The following ETHE1 variants were observed in gnomAD, a reference collection of about 807,000 sequenced individuals.
ETHE1 encodes persulfide dioxygenase ETHE1, mitochondrial.
In ETHE1, 16 loss-of-function variants were observed where a neutral mutation model predicts 25.7. The observed-to-expected ratio is 0.62, with a 90% CI of 0.42 to 0.95. ETHE1 has a LOEUF of 0.95. ETHE1 is among the 40% of genes least tolerant of loss of function. The pLI is 0.00. For missense variants in ETHE1, 300 were observed against 333.6 expected (o/e 0.90, Z 0.79); for synonymous variants, 139 against 135.9 (o/e 1.02, Z -0.16).
intron 3 of ETHE1, among the ~76,000 whole-genome samples, chr19:43,523,903 T>A (rs910443461): frequency 4.6e-5 from 7 of 151,966 alleles, no homozygotes; most frequent in African/African-American, 1.7e-4. Flanking sequence ...GCCATTGCAC[T>A]CCAGCCTGGG....
intron 3 of ETHE1, among the ~76,000 whole-genome samples, chr19:43,514,017 C>G (rs117259404): frequency 2.0e-5 from 3 of 152,002 alleles, no homozygotes; most frequent in African/African-American, 2.4e-5. Context: ...CCACCATGCC[C>G]GGCCTCAGAT....
intron 3 of ETHE1, among the ~76,000 whole-genome samples, chr19:43,523,270 G>A (rs535646096): frequency 2.1e-4 from 32 of 152,132 alleles, no homozygotes; most frequent in African/African-American, 7.0e-4. Context: ...ACTCGGTTTT[G>A]TTTGTTTGTT....
chr19:43,527,097 C>A lies in ETHE1; in HGVS notation c.81G>T (p.Gln27His). ...GGSGAPILLR[Q>H]MFEPVSCTFT... The stretch of plus-strand genomic sequence containing the variant: ...CCCTCCTAGGTCCAGCCACCCGCAC[C>A]TGCCGCAGGAGGATGGGGGCTCCAG... The change falls in exon 1 of 7, where the codon CAG becomes CAT. Residue 27 changes from glutamine (Q) to histidine (H), a missense_variant and splice_region_variant. Transcript: ENST00000292147. 6.4e-7 allele frequency: 1 copy of A among 1,554,936 alleles called. No homozygotes were observed. The highest frequency in any genetic ancestry group is 1.2e-5 in the South Asian group (1 of 85,244).
intron 4 of ETHE1, among the ~76,000 whole-genome samples, chr19:43,509,619 C>T (rs1052691544): frequency 6.6e-6 from 1 of 151,746 alleles, no homozygotes; most frequent in African/African-American, 2.4e-5. Context: ...CATGGTAAAA[C>T]CCTGTCTCTA....
Position 43,508,813 on chromosome 19 carries a change from G to A in ETHE1, c.557C>T (p.Pro186Leu). The A allele has an allele frequency of 6.2e-7, 1 of 1,608,888 alleles. No individual in the cohort carries two copies. Among genetic ancestry groups the A allele is most frequent in the Non-Finnish European group, 8.5e-7 (1 of 1,178,000 alleles). Residue 186 changes from proline (P) to leucine (L), a missense_variant, in exon 5 of 7, where the codon CCA (proline) becomes CTA (leucine). By Grantham distance (98) the Pro-to-Leu change is moderately conservative. Coordinates refer to ENST00000292147, the MANE Select transcript of ETHE1 (RefSeq NM_014297.5). The stretch of plus-strand genomic sequence containing the variant: ...AGCAGGGTAGATCAGACAGTCTCCT[G>A]GAAGTGTGAAGATCTTTTCATGGAC... ...HSVHEKIFTL[P>L]GDCLIYPAHD...
chr19:43,506,879 G>T lies in ETHE1; in HGVS notation c.736C>A (p.Arg246Ser). The T allele has an allele frequency of 6.2e-7, 1 of 1,613,730 alleles. No individual in the cohort carries two copies. Among genetic ancestry groups the T allele is most frequent in the Non-Finnish European group, 8.5e-7 (1 of 1,179,886 alleles). The part of the protein sequence containing the change: ...QIDFAVPANM[R>S]CGVQTPTA ...GCAGTGGGTGTCTGCACCCCACAGCGCATGTTGGCTGGAACAGCAAAGTCT... is the reference window on the plus strand; with the variant it reads ...GCAGTGGGTGTCTGCACCCCACAGCTCATGTTGGCTGGAACAGCAAAGTCT... The change falls in exon 7 of 7, where the codon CGC (arginine) becomes AGC (serine). Residue 246 changes from arginine to serine, a missense_variant. Physicochemically the swap from Arg to Ser is moderately radical, Grantham distance 110 (BLOSUM62 -1). Transcript: ENST00000292147.
chr19:43,514,485 CTTTTTTTTTTT>C (rs767043458), intron 3 of ETHE1, among the ~76,000 whole-genome samples: 2 of 113,230 alleles, frequency 1.8e-5, no homozygotes, highest in East Asian at 5.3e-4. Flanking sequence ...TTGGGTATGT[CTTTTTTTTTTT>C]TTTTTTTTTG....
At chr19:43,509,791 G>A (rs73043644) in intron 4 of ETHE1, among the ~76,000 whole-genome samples, 29,829 of 151,918 alleles carry the variant, frequency 0.2, 3,128 homozygotes, top group East Asian at 0.43. Context: ...GCGAGACTCC[G>A]TCTCAAAAAA....
intron 3 of ETHE1, among the ~76,000 whole-genome samples, chr19:43,514,771 A>C (rs1006465277): frequency 6.6e-6 from 1 of 152,164 alleles, no homozygotes; most frequent in African/African-American, 2.4e-5. Flanking sequence ...GGCGTGAGCC[A>C]CCACACCCAG....
chr19:43,511,631 A>T, intron 3 of ETHE1, 65 bp from the exon 4 acceptor site: 2 of 1,584,860 alleles, frequency 1.3e-6, no homozygotes, highest in African/African-American at 2.7e-5. Context: ...CTGGCCCCCA[A>T]AGCCCCACCC....
chr19:43,508,346 C>T (rs902386768), intron 5 of ETHE1, among the ~76,000 whole-genome samples: 23 of 124,704 alleles, frequency 1.8e-4, no homozygotes, highest in African/African-American at 2.7e-4. Context: ...CACTTTATCT[C>T]TTTTTTTTTT....
At chr19:43,524,668 G>A (rs927897668) in intron 3 of ETHE1, among the ~76,000 whole-genome samples, 3 of 152,056 alleles carry the variant, frequency 2.0e-5, no homozygotes, top group African/African-American at 7.2e-5. Flanking sequence ...GCCAGGTATG[G>A]TGGCAGGTGC....
At chr19:43,515,449 G>A (rs1568495452) in intron 3 of ETHE1, among the ~76,000 whole-genome samples, 1 of 151,094 alleles carries the variant, frequency 6.6e-6, no homozygotes, top group Non-Finnish European at 1.5e-5. Flanking sequence ...CAGTGAAAAG[G>A]TAGCCCTCAG....
intron 3 of ETHE1, among the ~76,000 whole-genome samples, chr19:43,517,614 A>T (rs7252955): frequency 0.68 from 103,159 of 151,092 alleles, 35,187 homozygotes; most frequent in East Asian, 0.73. Flanking sequence ...CCATCTCCAC[A>T]AAACATACAA....
chr19:43,506,984 C>A (rs1362602414), intron 6 of ETHE1, 82 bp from the exon 7 acceptor site: 7 of 1,457,694 alleles, frequency 4.8e-6, no homozygotes, highest in South Asian at 1.1e-5. Context: ...ATCCTAGGAA[C>A]CTTTCCTCTT....
chr19:43,526,075 T>C (rs1304032844), intron 3 of ETHE1, 126 bp downstream of exon 3: 5 of 1,448,420 alleles, frequency 3.5e-6, no homozygotes, highest in Non-Finnish European at 3.8e-6. Flanking sequence ...AGCTCAGGGG[T>C]CAGAAACCCA....
rs772217512 is a variant in ETHE1, at chr19:43,527,123, A to G, written c.55T>C (p.Ser19Pro). 7 of 1,551,396 alleles carry G rather than the reference A, an allele frequency of 4.5e-6. No individual in the cohort carries two copies. In the South Asian group the frequency reaches 7.1e-5, roughly 16 times the overall value. ...ARRQLSQRGG[S>P]GAPILLRQMF... ...TGCCGCAGGAGGATGGGGGCTCCAGACCCGCCGCGCTGGCTCAGCTGCCGC... is the reference window on the plus strand; with the variant it reads ...TGCCGCAGGAGGATGGGGGCTCCAGGCCCGCCGCGCTGGCTCAGCTGCCGC... Residue 19 changes from serine to proline, a missense_variant, in exon 1 of 7, where the codon TCT becomes CCT. By Grantham distance (74) the Ser-to-Pro change is moderately conservative (BLOSUM62 -1). Transcript: ENST00000292147.
At chr19:43,523,577 T>G (rs995242382) in intron 3 of ETHE1, among the ~76,000 whole-genome samples, 1 of 151,802 alleles carries the variant, frequency 6.6e-6, no homozygotes, top group Non-Finnish European at 1.5e-5. Context: ...ACACCCAGGC[T>G]AACAATTCAT....
At chr19:43,525,864 T>C (rs1019179436) in intron 3 of ETHE1, 3 of 385,068 alleles carry the variant, frequency 7.8e-6, no homozygotes, top group Non-Finnish European at 1.5e-5. Context: ...GTCTCTTTCC[T>C]TCTCAGCCCT....
Sources: gnomAD v4.1 joint callset for allele counts (sites outside exome capture counted in the v4.1 genomes callset) on GRCh38, gnomAD v4.1.1 for gene constraint, MANE v1.5 for transcripts, NCBI Gene and HGNC (gene_info 2026-07-23, HGNC 2026-07-21) for gene names.